The following ARHGAP11A variants were observed in gnomAD, a reference collection of about 807,000 sequenced individuals.
The protein encoded by ARHGAP11A is rho GTPase-activating protein 11A.
A neutral mutation model predicts 60.5 loss-of-function variants in ARHGAP11A; 36 were observed. The ratio of observed to expected loss-of-function variants is 0.59; its 90% CI spans 0.46 to 0.79. ARHGAP11A has a LOEUF of 0.79. Ranked by LOEUF, ARHGAP11A falls within the 30% of genes least tolerant of loss-of-function variation. The pLI, the probability that ARHGAP11A is intolerant of heterozygous loss-of-function variation, is 0.00. For missense variants in ARHGAP11A, 1,071 were observed against 1,199.2 expected (o/e 0.89, Z 1.58); for synonymous variants, 362 against 415.5 (o/e 0.87, Z 1.57).
At chr15:32,617,219 T>A (rs12906945) in intron 1 of ARHGAP11A, among the ~76,000 whole-genome samples, 5 of 152,094 alleles carry the variant, frequency 3.3e-5, no homozygotes, top group Non-Finnish European at 4.4e-5. Flanking sequence ...TATGGTTTCT[T>A]AAAAAAAGTG....
At chr15:32,629,975 T>TGTGTGTGTGTGTGTGTGTG (rs59288058) in intron 8 of ARHGAP11A, among the ~76,000 whole-genome samples, 1 of 128,946 alleles carries the variant, frequency 7.8e-6, no homozygotes, top group Non-Finnish European at 1.6e-5. Flanking sequence ...TGTGTGTGTG[T>TGTGTGTGTGTGTGTGTGTG]TATGACAACA....
At chr15:32,620,864 G>A (rs2053278247) in intron 2 of ARHGAP11A, among the ~76,000 whole-genome samples, 1 of 152,034 alleles carries the variant, frequency 6.6e-6, no homozygotes, top group Non-Finnish European at 1.5e-5. Flanking sequence ...CCAGGATTTT[G>A]AGACCAGTCT....
At chr15:32,625,918 A>T (rs570870669) in intron 6 of ARHGAP11A, among the ~76,000 whole-genome samples, 1 of 152,280 alleles carries the variant, frequency 6.6e-6, no homozygotes, top group East Asian at 1.9e-4. Flanking sequence ...TGAATAATGG[A>T]TAGAATTTAG....
intron 6 of ARHGAP11A, among the ~76,000 whole-genome samples, chr15:32,627,788 C>T (rs187363681): frequency 2.2e-4 from 33 of 149,188 alleles, no homozygotes; most frequent in African/African-American, 6.6e-4. Context: ...TGAATCTACC[C>T]TACATATTGC....
rs2053785277 is a variant in ARHGAP11A, at chr15:32,638,879, A to T, written c.*1034A>T. 1 of 152,686 alleles carries T rather than the reference A, an allele frequency of 6.5e-6. No homozygotes were observed. Among genetic ancestry groups the T allele is most frequent in the Non-Finnish European group, 1.5e-5 (1 of 68,052 alleles). 9.5% of individuals were successfully genotyped at this position (152,686 alleles called of 1,614,324 possible). ...TTTAAAGAGGGATAATCTTGAAAAA[A>T]ATTAACCAAGGTGATTTCTTATATG... On this transcript the variant is annotated 3_prime_UTR_variant, in exon 12 of 12. Coordinates refer to ENST00000361627, the MANE Select transcript of ARHGAP11A (RefSeq NM_014783.6).
intron 1 of ARHGAP11A, among the ~76,000 whole-genome samples, chr15:32,619,418 A>G (rs997307345): frequency 6.6e-6 from 1 of 152,252 alleles, no homozygotes; most frequent in Admixed American, 6.5e-5. Flanking sequence ...GTTAACCAAC[A>G]CACAGCTTTA....
chr15:32,636,620 A>C lies in ARHGAP11A; in HGVS notation c.1847A>C (p.Gln616Pro). Reference protein sequence around the residue: ...SGSNLHALMNQRQSSVTNVGK... With the variant: ...SGSNLHALMNPRQSSVTNVGK... ...AGTAATCTTCACGCATTGATGAATC[A>C]GAGGCAGTCATCAGTAACTAATGTG... The change falls in exon 12 of 12, where the codon CAG becomes CCG. Residue 616 changes from glutamine (Q) to proline (P), a missense_variant. Around this residue, in one of 4 missense-constraint regions of ARHGAP11A, gnomAD observed 776 missense variants for 760.2 expected, o/e 1.02. Transcript: ENST00000361627. 1 of 1,614,056 alleles carries C rather than the reference A, an allele frequency of 6.2e-7. No homozygotes were observed.
chr15:32,616,639 T>A (rs190220530), intron 1 of ARHGAP11A, among the ~76,000 whole-genome samples: 2,779 of 152,296 alleles, frequency 0.018, 99 homozygotes, highest in African/African-American at 0.064. Context: ...AATTGTGGGA[T>A]GTTTAGCGGG....
intron 4 of ARHGAP11A, among the ~76,000 whole-genome samples, chr15:32,624,761 C>G (rs989550572): frequency 2.0e-5 from 3 of 151,520 alleles, no homozygotes; most frequent in Non-Finnish European, 4.4e-5. Context: ...CCTGCTTATT[C>G]TAGACATACT....
chr15:32,632,228 CAT>C (rs1199932487), intron 8 of ARHGAP11A, among the ~76,000 whole-genome samples: 22 of 152,174 alleles, frequency 1.4e-4, no homozygotes, highest in African/African-American at 5.1e-4. Flanking sequence ...GTGATTCAAA[CAT>C]AAATGTATAT....
In ARHGAP11A at chr15:32,633,983, A is replaced by G. The variant is rs1293255084; in HGVS notation, c.1286A>G (p.Glu429Gly). ...GCFSPKISHK[E>G]KVRRSLRLKF... is the part of the protein sequence containing the mutation. ...TTTTCTCCTAAAATCAGCCATAAAGAAAAGGTTCGAAGATCTCTGCGTTTG... is the reference window on the plus strand; with the variant it reads ...TTTTCTCCTAAAATCAGCCATAAAGGAAAGGTTCGAAGATCTCTGCGTTTG... The change falls in exon 10 of 12, where the codon GAA (glutamate) becomes GGA (glycine). Residue 429 changes from glutamate to glycine, a missense_variant. Transcript: ENST00000361627. 6.2e-7 allele frequency: 1 copy of G among 1,608,196 alleles called. No individual in the cohort carries two copies. The highest frequency in any genetic ancestry group is 2.2e-5 in the East Asian group (1 of 44,696).
At position 32,620,845 on chromosome 15, in the gene ARHGAP11A, C is replaced by T. The variant is rs960545147; in HGVS notation, c.200+667C>T. 2.9e-4 allele frequency among the ~76,000 whole-genome samples: 44 copies of T among 151,756 alleles called. No individual in the cohort carries two copies. In the South Asian group the frequency reaches 4.2e-3, roughly 14 times the overall value. ...ATTTTGAGGGCCGAGGCAGGAGGAT[C>T]GCTTGAGCCCAGGATTTTGAGACCA... On this transcript the variant is annotated intron_variant, in intron 2 of 11. Coordinates refer to ENST00000361627, the MANE Select transcript of ARHGAP11A (RefSeq NM_014783.6).
Position 32,638,636 on chromosome 15 carries a change from T to C in ARHGAP11A, c.*791T>C, listed in dbSNP as rs968086167. 1 of 152,606 alleles carries C rather than the reference T, an allele frequency of 6.6e-6. No homozygotes were observed. The highest frequency in any genetic ancestry group is 2.4e-5 in the African/African-American group (1 of 41,452). 9.5% of individuals were successfully genotyped at this position (152,606 alleles called of 1,614,324 possible). ...CCTTCAATAGCATCCTAAAACTCTA[T>C]TTTTATTTGGGGCAGAGTAATTTCA... On this transcript the variant is annotated 3_prime_UTR_variant, in exon 12 of 12. Transcript: ENST00000361627.
chr15:32,618,281 GA>G (rs11408209), intron 1 of ARHGAP11A, among the ~76,000 whole-genome samples: 2 of 151,974 alleles, frequency 1.3e-5, no homozygotes, highest in South Asian at 2.1e-4. Flanking sequence ...AAGACTTAAG[GA>G]AAAAAACACG....
chr15:32,633,221 A>C, intron 9 of ARHGAP11A, 113 bp downstream of exon 9: 2 of 1,231,958 alleles, frequency 1.6e-6, no homozygotes, highest in Non-Finnish European at 2.3e-6. Flanking sequence ...ATTTTTTAAA[A>C]TCCCTTCTGC....
chr15:32,617,253 A>G (rs978812491), intron 1 of ARHGAP11A, among the ~76,000 whole-genome samples: 10 of 152,264 alleles, frequency 6.6e-5, no homozygotes, highest in Admixed American at 3.9e-4. Flanking sequence ...ACCACTAACA[A>G]AAGTAATATG....
In ARHGAP11A at chr15:32,627,342, C is replaced by G. The variant is rs182625508; in HGVS notation, c.863-1386C>G. Among the ~76,000 whole-genome samples the G allele has an allele frequency of 1.6e-3, 249 of 152,030 alleles. 3 individuals carry two copies. Among genetic ancestry groups the G allele is most frequent in the African/African-American group, 5.8e-3 (239 of 41,462 alleles). ...ATTCCCTAGATACTCAGGCTTTAAC[C>G]ATGGGTTCTACCTCTTCCTCTACCA... On this transcript the variant is annotated intron_variant, in intron 6 of 11. Coordinates refer to ENST00000361627, the MANE Select transcript of ARHGAP11A (RefSeq NM_014783.6).
chr15:32,637,053 ATCC>A lies in ARHGAP11A; in HGVS notation c.2283_2285del (p.Ser762del), dbSNP rs776380445. On this transcript the variant is annotated inframe_deletion, in exon 12 of 12. Coordinates refer to ENST00000361627, the MANE Select transcript of ARHGAP11A (RefSeq NM_014783.6). ...CAGCACATAGCAAGGACGAGGCTAG[ATCC>A]TCTTTCTCACAGCAGAGTACATGTG... The A allele has an allele frequency of 1.2e-6, 2 of 1,613,980 alleles. No homozygotes were observed.
chr15:32,625,187 A>G lies in ARHGAP11A; in HGVS notation c.659A>G (p.Lys220Arg). 1 of 1,613,924 alleles carries G rather than the reference A, an allele frequency of 6.2e-7. No individual in the cohort carries two copies. Among genetic ancestry groups the G allele is most frequent in the Non-Finnish European group, 8.5e-7 (1 of 1,179,820 alleles). Residue 220 changes from lysine (K) to arginine (R), a missense_variant, in exon 5 of 12, where the codon AAG becomes AGG. Transcript: ENST00000361627. ...AAGATGTCTTCTAACACAGAAAAGA[A>G]GCTACGATTACAGGCTGCAGTAGTA... Reference protein sequence around the residue: ...HEKMSSNTEKKLRLQAAVVQT... With the variant: ...HEKMSSNTEKRLRLQAAVVQT...
Sources: allele counts gnomAD v4.1 joint callset (sites outside exome capture counted in the v4.1 genomes callset), GRCh38; gene constraint gnomAD v4.1.1; regional missense constraint gnomAD v4.1.1; transcripts MANE v1.5; gene names NCBI Gene and HGNC (gene_info 2026-07-23, HGNC 2026-07-21).